Variants in GPR108 observed in about 807,000 individuals in gnomAD.
GPR108 encodes protein GPR108.
In GPR108, 60 loss-of-function variants were observed where a neutral mutation model predicts 74.3. The observed-to-expected ratio is 0.81, with a 90% CI of 0.66 to 1.00. The LOEUF (loss-of-function observed/expected upper bound fraction) is 1.00. Among genes scored for constraint, GPR108 ranks in the 50% least tolerant of loss-of-function variants. The pLI is 0.00. For missense variants in GPR108, 667 were observed against 703.3 expected (o/e 0.95, Z 0.58); for synonymous variants, 311 against 292.4 (o/e 1.06, Z -0.65).
In GPR108 at chr19:6,731,906, C is replaced by G. The variant is rs1968421462; in HGVS notation, c.1285G>C (p.Gly429Arg). The change falls in exon 14 of 18, where the codon GGC (glycine) becomes CGC (arginine). Residue 429 changes from glycine to arginine, a missense_variant. Physicochemically the swap from Gly to Arg is moderately radical, Grantham distance 125 (BLOSUM62 -2). Coordinates refer to ENST00000264080, the MANE Select transcript of GPR108 (RefSeq NM_001080452.2). ...AGGGCCTCACCCTTCCCGTCTGTGCCAGACGCATCCTGGAGATGCCGGATG... is the reference window on the plus strand; with the variant it reads ...AGGGCCTCACCCTTCCCGTCTGTGCGAGACGCATCCTGGAGATGCCGGATG... ...WSIRHLQDAS[G>R]TDGKVAVNLA... The G allele has an allele frequency of 6.2e-7, 1 of 1,612,530 alleles. No individual in the cohort carries two copies. Among genetic ancestry groups the G allele is most frequent in the Admixed American group, 1.7e-5 (1 of 59,862 alleles).
chr19:6,731,791 G>C, intron 14 of GPR108, 100 bp downstream of exon 14: 2 of 1,375,530 alleles, frequency 1.5e-6, no homozygotes, highest in Non-Finnish European at 2.0e-6. Context: ...AGGCCTGGGG[G>C]CTGGGCAGAG....
At chr19:6,733,403 C>A in intron 8 of GPR108, 102 bp from the exon 9 acceptor site, 1 of 1,325,618 alleles carries the variant, frequency 7.5e-7, no homozygotes, top group Non-Finnish European at 1.1e-6. Flanking sequence ...TTCTACTGGG[C>A]CACTCATCCA....
Position 6,737,565 on chromosome 19 carries a change from G to C in GPR108, c.12C>G (p.Ser4Arg). Residue 4 changes from serine (S) to arginine (R), a missense_variant, in exon 1 of 18, where the codon AGC becomes AGG. Transcript: ENST00000264080. MAV[S>R]ERRGLGRGSP... ...TCCCGCGGCCGAGCCCCCTCCTCTC[G>C]CTCACTGCCATCTCTGGAGCCACCT... is the stretch of plus-strand genomic sequence containing the variant. The C allele has an allele frequency of 6.6e-7, 1 of 1,512,518 alleles. No individual in the cohort carries two copies. The highest frequency in any genetic ancestry group is 8.8e-7 in the Non-Finnish European group (1 of 1,136,540). 93.7% of individuals were successfully genotyped at this position (1,512,518 alleles called of 1,614,324 possible).
chr19:6,731,289 G>A lies in GPR108; in HGVS notation c.1351-7C>T, dbSNP rs1246930993. ...AGTAGACGTAGCAGATGACCTGCAG[G>A]GGCGCGAGCAGGCGTGGGGCCAGGA... On this transcript the variant is annotated splice_polypyrimidine_tract_variant and splice_region_variant and intron_variant, in intron 15 of 17. Coordinates refer to ENST00000264080, the MANE Select transcript of GPR108 (RefSeq NM_001080452.2). The A allele has an allele frequency of 1.9e-6, 3 of 1,545,184 alleles. No individual in the cohort carries two copies. In the Admixed American group the frequency reaches 5.7e-5, roughly 29 times the overall value.
At position 6,730,340 on chromosome 19, in the gene GPR108, T is replaced by C. The variant is rs1968337826; in HGVS notation, c.1604A>G (p.Lys535Arg). ...GFREGLSKVN[K>R]TASGRELL is the part of the protein sequence containing the mutation. ...TAACAGTTCCCGCCCGCTGGCTGTTTTGTTGACTTTGGAGAGGCCTTCCCG... is the reference window on the plus strand; with the variant it reads ...TAACAGTTCCCGCCCGCTGGCTGTTCTGTTGACTTTGGAGAGGCCTTCCCG... Residue 535 changes from lysine to arginine, a missense_variant, in exon 18 of 18, where the codon AAA becomes AGA. By Grantham distance (26) the Lys-to-Arg change is conservative. Coordinates refer to ENST00000264080, the MANE Select transcript of GPR108 (RefSeq NM_001080452.2). The C allele has an allele frequency of 6.2e-7, 1 of 1,613,798 alleles. No individual in the cohort carries two copies. The highest frequency in any genetic ancestry group is 2.2e-5 in the East Asian group (1 of 44,888).
chr19:6,733,096 G>C (rs1968487670), intron 9 of GPR108, 34 bp from the exon 10 acceptor site: 26 of 1,613,534 alleles, frequency 1.6e-5, no homozygotes, highest in Non-Finnish European at 2.0e-5. Context: ...TGGGGGTGCG[G>C]GGCATCAGCA....
At chr19:6,734,646 A>G (rs1968556725) in intron 4 of GPR108, among the ~76,000 whole-genome samples, 1 of 152,104 alleles carries the variant, frequency 6.6e-6, no homozygotes. Context: ...GGATCAGGCA[A>G]TCCTCCCACC....
rs77822830 is a variant in GPR108, at chr19:6,734,247, C to T, written c.435G>A (p.Pro145=). ...GGAGCCCTGGTTTGGAGGGTGCTTCCGGGAGGAGCCCGGGAAAGATAAACA... is the reference window on the plus strand; with the variant it reads ...GGAGCCCTGGTTTGGAGGGTGCTTCTGGGAGGAGCCCGGGAAAGATAAACA... The part of the protein sequence containing the change: ...KTLFIFPGLL[P]EAPSKPGLPK... The change falls in exon 5 of 18, where the codon CCG becomes CCA. Residue 145 remains proline, a synonymous_variant. Transcript: ENST00000264080. 189 of 1,614,132 alleles carry T rather than the reference C, an allele frequency of 1.2e-4. No homozygotes were observed. The highest frequency in any genetic ancestry group is 7.1e-4 in the East Asian group (32 of 44,880).
Position 6,729,919 on chromosome 19 carries a change from G to A in GPR108, c.*393C>T. The A allele has an allele frequency of 5.1e-6, 1 of 197,332 alleles. No homozygotes were observed. Among genetic ancestry groups the A allele is most frequent in the South Asian group, 7.7e-5 (1 of 12,910 alleles). The allele number at this position is 197,332 out of a possible 1,614,324, so 12.2% of individuals were successfully genotyped here. A position where few individuals can be genotyped will look rare whatever the true frequency, so the allele number is the denominator to read the frequency against. On this transcript the variant is annotated 3_prime_UTR_variant, in exon 18 of 18. Transcript: ENST00000264080. ...TTGGGCCCTGCATGCAGCGGTTACT[G>A]AATGAATATTTATTGAATATACAAA...
In GPR108 at chr19:6,731,938, G is replaced by T; in HGVS notation, c.1257-4C>A. On this transcript the variant is annotated splice_region_variant and splice_polypyrimidine_tract_variant and intron_variant, in intron 13 of 17. Coordinates refer to ENST00000264080, the MANE Select transcript of GPR108 (RefSeq NM_001080452.2). ...ATCCTGGAGATGCCGGATGGACCTG[G>T]GACAAGTGGAGGACACAGGGTACGG... 1 of 1,613,130 alleles carries T rather than the reference G, an allele frequency of 6.2e-7. No individual in the cohort carries two copies. Among genetic ancestry groups the T allele is most frequent in the Non-Finnish European group, 8.5e-7 (1 of 1,179,838 alleles).
In GPR108 at chr19:6,731,791, G is replaced by A. The variant is rs956839466; in HGVS notation, c.1300+100C>T. 2.9e-6 allele frequency: 4 copies of A among 1,375,530 alleles called. No individual in the cohort carries two copies. The Admixed American group carries it at 7.9e-5, about 27-fold the overall frequency. 85.2% of individuals were successfully genotyped at this position (1,375,530 alleles called of 1,614,324 possible). A position where few individuals can be genotyped will look rare whatever the true frequency, so the allele number is the denominator to read the frequency against. ...CATCCAGGGAGGCAGAGGCCTGGGG[G>A]CTGGGCAGAGAGGCCAGGAGGGGCA... On this transcript the variant is annotated intron_variant, in intron 14 of 17. Coordinates refer to ENST00000264080, the MANE Select transcript of GPR108 (RefSeq NM_001080452.2).
In GPR108 at chr19:6,731,932, G is replaced by C; in HGVS notation, c.1259C>G (p.Ser420Cys). 6.2e-7 allele frequency: 1 copy of C among 1,613,108 alleles called. No individual in the cohort carries two copies. Among genetic ancestry groups the C allele is most frequent in the Non-Finnish European group, 8.5e-7 (1 of 1,179,850 alleles). The change falls in exon 14 of 18, where the codon TCC becomes TGC. Residue 420 changes from serine to cysteine, a missense_variant and splice_region_variant. Coordinates refer to ENST00000264080, the MANE Select transcript of GPR108 (RefSeq NM_001080452.2). ...CGAILFPVVW[S>C]IRHLQDASGT... Reference sequence around the variant, plus strand: ...AGACGCATCCTGGAGATGCCGGATGGACCTGGGACAAGTGGAGGACACAGG... The same window carrying C: ...AGACGCATCCTGGAGATGCCGGATGCACCTGGGACAAGTGGAGGACACAGG...
In GPR108 at chr19:6,731,305, G is replaced by A. The variant is rs1157905581; in HGVS notation, c.1351-23C>T. ...GACCTGCAGGGGCGCGAGCAGGCGTGGGGCCAGGACTGTAGGGGCACGGGC... is the reference window on the plus strand; with the variant it reads ...GACCTGCAGGGGCGCGAGCAGGCGTAGGGCCAGGACTGTAGGGGCACGGGC... On this transcript the variant is annotated intron_variant, in intron 15 of 17. Transcript: ENST00000264080. 3 of 1,540,402 alleles carry A rather than the reference G, an allele frequency of 1.9e-6. No homozygotes were observed. In the African/African-American group the frequency reaches 4.1e-5, roughly 21 times the overall value.
At position 6,733,582 on chromosome 19, in the gene GPR108, T is replaced by C. The variant is rs1968511815; in HGVS notation, c.711A>G (p.Pro237=). The change falls in exon 8 of 18, where the codon CCA becomes CCG. Residue 237 remains proline (P), a synonymous_variant. Coordinates refer to ENST00000264080, the MANE Select transcript of GPR108 (RefSeq NM_001080452.2). ...CNNSVPGKEH[P]FDITVMIREK... ...CCACTCCGCTCACCGTGATGTCGAA[T>C]GGATGCTCCTTTCCTGGCACTGAAT... 4 of 1,613,944 alleles carry C rather than the reference T, an allele frequency of 2.5e-6. No individual in the cohort carries two copies. Among genetic ancestry groups the C allele is most frequent in the East Asian group, 2.2e-5 (1 of 44,898 alleles).
At chr19:6,736,035 A>AAACCT in intron 2 of GPR108, 77 bp from the exon 3 acceptor site, 1 of 1,299,402 alleles carries the variant, frequency 7.7e-7, no homozygotes, top group Non-Finnish European at 1.1e-6. Flanking sequence ...GTAGCAATAG[A>AAACCT]AACCTAACCT....
Position 6,737,407 on chromosome 19 carries a change from C to A in GPR108, c.120+50G>T, listed in dbSNP as rs775479524. 5.1e-6 allele frequency: 8 copies of A among 1,564,766 alleles called. No homozygotes were observed. The South Asian group carries it at 8.0e-5, about 16-fold the overall frequency. On this transcript the variant is annotated intron_variant, in intron 1 of 17. Coordinates refer to ENST00000264080, the MANE Select transcript of GPR108 (RefSeq NM_001080452.2). ...ACCACTCCAAGCCAGGGGGCTTCTC[C>A]GAGACAAAGTTGCGCCACCGACCCC...
chr19:6,736,977 AAC>A lies in GPR108; in HGVS notation c.121-268_121-267del, dbSNP rs1279269095. On this transcript the variant is annotated intron_variant, in intron 1 of 17. Coordinates refer to ENST00000264080, the MANE Select transcript of GPR108 (RefSeq NM_001080452.2). Reference sequence around the variant, plus strand: ...CCACTGGGGTGAGCACCGCCCGGAGAACAGTTATTCACCTCGGCGTGCCTGAC... The same window carrying A: ...CCACTGGGGTGAGCACCGCCCGGAGAAGTTATTCACCTCGGCGTGCCTGAC... 3.7e-5 allele frequency: 18 copies of A among 484,858 alleles called. No individual in the cohort carries two copies. In the East Asian group the frequency reaches 6.1e-4, roughly 16 times the overall value. The allele number at this position is 484,858 out of a possible 1,614,324, so 30.0% of individuals were successfully genotyped here. A position where few individuals can be genotyped will look rare whatever the true frequency, so the allele number is the denominator to read the frequency against.
rs752083954 is a variant in GPR108 at position 6,734,030 on chromosome 19, G to A, written c.524C>T (p.Pro175Leu). 1 of 1,614,082 alleles carries A rather than the reference G, an allele frequency of 6.2e-7. No homozygotes were observed. The highest frequency in any genetic ancestry group is 2.2e-5 in the East Asian group (1 of 44,898). The change falls in exon 6 of 18, where the codon CCC (proline) becomes CTC (leucine). Residue 175 changes from proline (P) to leucine (L), a missense_variant. Pro to Leu is a moderately conservative substitution (Grantham distance 98, BLOSUM62 -3). Transcript: ENST00000264080. The stretch of plus-strand genomic sequence containing the variant: ...CTGAATCACTGCGGGTGTTGACTTG[G>A]GCTTGCTGGCTGCAGAGGTCCCTCC... ...DGGGTSAASKPKSTPAVIQGP... is the reference protein window; with the variant it reads ...DGGGTSAASKLKSTPAVIQGP...
Position 6,734,204 on chromosome 19 carries a change from C to T in GPR108, c.478G>A (p.Val160Ile), listed in dbSNP as rs1968540057. 3.1e-6 allele frequency: 5 copies of T among 1,614,122 alleles called. No individual in the cohort carries two copies. The highest frequency in any genetic ancestry group is 1.7e-5 in the Admixed American group (1 of 60,010). ...TCACCGCCATCCACCTTGCGGGGGA[C>T]TGTGGCCTGTGGCTTCGGGAGCCCT... Reference protein sequence around the residue: ...KPGLPKPQATVPRKVDGGGTS... With the variant: ...KPGLPKPQATIPRKVDGGGTS... Residue 160 changes from valine to isoleucine, a missense_variant, in exon 5 of 18, where the codon GTC becomes ATC. Val to Ile is a conservative substitution (Grantham distance 29). Coordinates refer to ENST00000264080, the MANE Select transcript of GPR108 (RefSeq NM_001080452.2).
Sources: gnomAD v4.1 joint callset for allele counts (sites outside exome capture counted in the v4.1 genomes callset) on GRCh38, gnomAD v4.1.1 for gene constraint, MANE v1.5 for transcripts, NCBI Gene and HGNC (gene_info 2026-07-23, HGNC 2026-07-21) for gene names.